GNB1: variants seen among roughly 807,000 people sequenced by gnomAD.
GNB1 encodes the protein G protein subunit beta 1.
In GNB1, 2 loss-of-function variants were observed where a neutral mutation model predicts 42.9. The observed-to-expected ratio is 0.05, with a 90% confidence interval of 0.02 to 0.15. The LOEUF is 0.15. GNB1 is among the 10% of genes least tolerant of loss of function. The pLI, the probability that GNB1 is intolerant of heterozygous loss-of-function variation, is 1.00. For missense variants in GNB1, 193 were observed against 462.2 expected, an observed-to-expected ratio of 0.42 and a Z score of 5.34; for synonymous variants, 183 against 174.7, an observed-to-expected ratio of 1.05 and a Z score of -0.38.
At chr1:1,856,287 G>C (rs1240910222) in intron 1 of GNB1, among the ~76,000 whole-genome samples, 1 of 152,118 alleles carries the variant, frequency 6.6e-6, no homozygotes. Flanking sequence ...CTCCTGAATA[G>C]GGCTTTCTTT....
intron 1 of GNB1, among the ~76,000 whole-genome samples, chr1:1,844,194 CA>C (rs1034906757): frequency 8.3e-5 from 12 of 144,772 alleles, no homozygotes; most frequent in South Asian, 2.2e-4. Context: ...GACTCCATCT[CA>C]AAAAAAAATT....
chr1:1,855,220 C>G (rs1426254778), intron 1 of GNB1, among the ~76,000 whole-genome samples: 1 of 149,066 alleles, frequency 6.7e-6, no homozygotes, highest in African/African-American at 2.5e-5. Context: ...ACTTGGGAGG[C>G]TGAGGCAAGA....
At chr1:1,845,499 G>A (rs1298143769) in intron 1 of GNB1, among the ~76,000 whole-genome samples, 5 of 152,164 alleles carry the variant, frequency 3.3e-5, no homozygotes, top group Admixed American at 3.3e-4. Flanking sequence ...CGTGAACCCA[G>A]GAGGCGGAGC....
At chr1:1,846,717 C>T (rs1162387852) in intron 1 of GNB1, among the ~76,000 whole-genome samples, 4 of 152,098 alleles carry the variant, frequency 2.6e-5, no homozygotes, top group Non-Finnish European at 4.4e-5. Context: ...CCACACTGCA[C>T]GTGACTAAAT....
intron 1 of GNB1, among the ~76,000 whole-genome samples, chr1:1,841,403 C>T (rs1349545755): frequency 6.6e-6 from 1 of 152,174 alleles, no homozygotes; most frequent in Non-Finnish European, 1.5e-5. Flanking sequence ...TGGTCTCAAA[C>T]TCCTGACCTC....
chr1:1,857,423 T>A (rs1570723669), intron 1 of GNB1, among the ~76,000 whole-genome samples: 1 of 152,138 alleles, frequency 6.6e-6, no homozygotes, highest in Non-Finnish European at 1.5e-5. Flanking sequence ...GGATTCTAAA[T>A]CACAGCAATC....
chr1:1,883,573 CCACATCAGGACT>C (rs763438777), intron 1 of GNB1, among the ~76,000 whole-genome samples: 28 of 152,278 alleles, frequency 1.8e-4, no homozygotes, highest in Non-Finnish European at 3.4e-4. Context: ...TTATCAGTGC[CCACATCAGGACT>C]CATTTAATCC....
chr1:1,870,559 A>T (rs1364559633), intron 1 of GNB1, among the ~76,000 whole-genome samples: 1 of 152,228 alleles, frequency 6.6e-6, no homozygotes, highest in South Asian at 2.1e-4. Context: ...TCCAAAACAT[A>T]ATATTCTGAG....
chr1:1,874,201 T>C (rs1468845343), intron 1 of GNB1, among the ~76,000 whole-genome samples: 3 of 152,120 alleles, frequency 2.0e-5, no homozygotes. Flanking sequence ...CCAGGTGCGG[T>C]GGCTCACGCC....
chr1:1,871,549 A>G (rs542049148), intron 1 of GNB1, among the ~76,000 whole-genome samples: 5 of 152,074 alleles, frequency 3.3e-5, no homozygotes, highest in African/African-American at 9.6e-5. Flanking sequence ...TCTAACCTCT[A>G]ATAGCTGGGC....
intron 1 of GNB1, among the ~76,000 whole-genome samples, chr1:1,866,855 G>A (rs1570737736): frequency 6.6e-6 from 1 of 152,278 alleles, no homozygotes; most frequent in African/African-American, 2.4e-5. Context: ...TCAGGAGGCT[G>A]AGGCAGGAGA....
At chr1:1,830,151 A>G (rs1281096825) in intron 2 of GNB1, among the ~76,000 whole-genome samples, 1 of 152,188 alleles carries the variant, frequency 6.6e-6, no homozygotes, top group East Asian at 1.9e-4. Flanking sequence ...TTTGCTTACT[A>G]ACCCCCCTAC....
chr1:1,882,742 G>C (rs564933124), intron 1 of GNB1, among the ~76,000 whole-genome samples: 105 of 152,146 alleles, frequency 6.9e-4, no homozygotes, highest in Middle Eastern at 3.4e-3. Flanking sequence ...CCAATATGGT[G>C]AAACCCTGTC....
intron 1 of GNB1, among the ~76,000 whole-genome samples, chr1:1,840,653 G>A (rs1035778105): frequency 5.9e-5 from 9 of 152,238 alleles, no homozygotes; most frequent in African/African-American, 2.2e-4. Flanking sequence ...TGAATCTCAA[G>A]GAAGCCACTA....
At position 1,790,631 on chromosome 1, in the gene GNB1, C is replaced by G. The variant is rs761712176; in HGVS notation, c.498-35G>C. The G allele has an allele frequency of 5.4e-6, 8 of 1,477,016 alleles. No homozygotes were observed. The highest frequency in any genetic ancestry group is 7.6e-6 in the Non-Finnish European group (8 of 1,059,228). The allele number at this position is 1,477,016 out of a possible 1,614,324, so 91.5% of individuals were successfully genotyped here. ...GAGCGAATGACAAGGGGACATCAGC[C>G]TTAACTTCTTGGGTGGCTAGTCATG... On this transcript the variant is annotated intron_variant, in intron 8 of 11. Coordinates refer to ENST00000378609, the MANE Select transcript of GNB1 (RefSeq NM_002074.5). This position sits in a 1 kb window ranked among gnomAD's most constrained non-coding sequence, Gnocchi z 5.4.
At chr1:1,794,888 C>T (rs1033579627) in intron 7 of GNB1, among the ~76,000 whole-genome samples, 1 of 152,100 alleles carries the variant, frequency 6.6e-6, no homozygotes, top group Admixed American at 6.6e-5. Flanking sequence ...TGGGGTTTCA[C>T]CATGTTGGTC....
intron 1 of GNB1, among the ~76,000 whole-genome samples, chr1:1,846,301 T>TA (rs1647664917): frequency 6.6e-6 from 1 of 151,982 alleles, no homozygotes; most frequent in South Asian, 2.1e-4. Flanking sequence ...GTGCAGTGGC[T>TA]CATGTCTGTA....
chr1:1,873,636 C>T (rs1033640136), intron 1 of GNB1, among the ~76,000 whole-genome samples: 7 of 152,194 alleles, frequency 4.6e-5, no homozygotes, highest in South Asian at 2.1e-4. Context: ...CGAGACTGGA[C>T]GCAGTGGCTC....
chr1:1,818,825 T>C (rs1646892200), intron 3 of GNB1, among the ~76,000 whole-genome samples: 1 of 151,758 alleles, frequency 6.6e-6, no homozygotes, highest in Non-Finnish European at 1.5e-5. Context: ...ACTGCGCCAC[T>C]GCACTCCAGT....
Sources: allele counts gnomAD v4.1 joint callset (sites outside exome capture counted in the v4.1 genomes callset), GRCh38; gene constraint gnomAD v4.1.1; non-coding constraint Gnocchi (gnomAD v3.1); transcripts MANE v1.5; gene names NCBI Gene and HGNC (gene_info 2026-07-23, HGNC 2026-07-21).